The following GRID2 variants were observed in gnomAD, a reference collection of about 807,000 sequenced individuals.
GRID2 encodes the protein glutamate receptor ionotropic, delta-2.
GRID2 carries 33 observed loss-of-function variants against 114.8 expected under a neutral mutation model. The ratio of observed to expected loss-of-function variants is 0.29; its 90% CI spans 0.22 to 0.38. GRID2 has a LOEUF of 0.38. Ranked by LOEUF, GRID2 falls within the 10% of genes least tolerant of loss-of-function variation. The probability of loss-of-function intolerance (pLI) is 1.00; values close to 1 mark genes in which losing one functional copy is unlikely to be tolerated. For synonymous variants in GRID2, 505 were observed against 449.9 expected (o/e 1.12, Z -1.55); for missense variants, 1,184 against 1,257.7 (o/e 0.94, Z 0.89).
intron 1 of GRID2, among the ~76,000 whole-genome samples, chr4:92,423,426 G>A (rs148973787): frequency 2.0e-5 from 3 of 152,164 alleles, no homozygotes; most frequent in East Asian, 1.9e-4. Context: ...GAGGTGAAGC[G>A]AGGAGAGATG....
intron 2 of GRID2, among the ~76,000 whole-genome samples, chr4:92,803,525 A>T (rs1318840522): frequency 1.3e-5 from 2 of 151,896 alleles, no homozygotes; most frequent in South Asian, 2.1e-4. Flanking sequence ...ATGTCATTAT[A>T]AAAAAATGTA....
chr4:93,676,915 A>C (rs1724925413), intron 14 of GRID2, among the ~76,000 whole-genome samples: 3 of 152,066 alleles, frequency 2.0e-5, no homozygotes, highest in Non-Finnish European at 4.4e-5. Flanking sequence ...AGGGAGTGCC[A>C]GACAGTGGGA....
At chr4:92,945,410 A>T (rs76709592) in intron 2 of GRID2, among the ~76,000 whole-genome samples, 2,254 of 152,196 alleles carry the variant, frequency 0.015, 21 homozygotes, top group East Asian at 0.054. Context: ...GGAGAAACTT[A>T]GGATCAACTC....
chr4:93,245,442 A>G (rs1395173082), intron 8 of GRID2, among the ~76,000 whole-genome samples: 2 of 152,202 alleles, frequency 1.3e-5, no homozygotes, highest in South Asian at 2.1e-4. Context: ...AATAATTTTA[A>G]TGGTTAAGCA....
chr4:92,851,935 A>T (rs1743837711), intron 2 of GRID2, among the ~76,000 whole-genome samples: 1 of 151,980 alleles, frequency 6.6e-6, no homozygotes, highest in Non-Finnish European at 1.5e-5. Flanking sequence ...CACCTAAAAA[A>T]TTGCAAGAAA....
chr4:93,734,905 G>T (rs901214487), intron 14 of GRID2, among the ~76,000 whole-genome samples: 4 of 152,002 alleles, frequency 2.6e-5, no homozygotes, highest in Non-Finnish European at 5.9e-5. Flanking sequence ...ATTTCATGGG[G>T]TAACAAAAGC....
At chr4:92,661,567 A>G (rs1732520758) in intron 2 of GRID2, among the ~76,000 whole-genome samples, 1 of 151,110 alleles carries the variant, frequency 6.6e-6, no homozygotes, top group Admixed American at 6.6e-5. Flanking sequence ...ATATTCTGAA[A>G]TGGGAAAAGG....
At chr4:93,754,347 A>G (rs929690103) in intron 14 of GRID2, among the ~76,000 whole-genome samples, 3 of 152,152 alleles carry the variant, frequency 2.0e-5, no homozygotes, top group South Asian at 4.1e-4. Context: ...TGCATCAACT[A>G]TTATCTCATA....
chr4:93,689,133 C>G (rs894892416), intron 14 of GRID2, among the ~76,000 whole-genome samples: 2 of 151,862 alleles, frequency 1.3e-5, no homozygotes, highest in Non-Finnish European at 2.9e-5. Context: ...GACCATCTAC[C>G]AAGGAAGGAG....
At chr4:92,584,798 T>C (rs886970889) in intron 1 of GRID2, among the ~76,000 whole-genome samples, 10 of 152,048 alleles carry the variant, frequency 6.6e-5, no homozygotes, top group Non-Finnish European at 1.5e-4. Flanking sequence ...AAGCATAAAA[T>C]GGCAGACATA....
intron 2 of GRID2, among the ~76,000 whole-genome samples, chr4:92,965,450 TAAAAAAAAAAAAAAAAAAAAAAAA>T (rs869285420): frequency 1.4e-4 from 12 of 85,776 alleles, no homozygotes; most frequent in Admixed American, 2.1e-4. Flanking sequence ...ATTCAATTTG[TAAAAAAAAAAAAAAAAAAAAAAAA>T]AAAAAAAAAA....
chr4:93,620,435 C>A (rs4693331), intron 13 of GRID2, among the ~76,000 whole-genome samples: 73,499 of 151,992 alleles, frequency 0.48, 18,656 homozygotes, highest in East Asian at 0.68. Context: ...GGTGAGATAA[C>A]AGGTAGCGAT....
intron 1 of GRID2, among the ~76,000 whole-genome samples, chr4:92,320,835 A>G (rs1021924558): frequency 2.0e-5 from 3 of 152,124 alleles, no homozygotes; most frequent in African/African-American, 7.2e-5. Context: ...TTTTTACTAT[A>G]AGTGTACATT....
intron 1 of GRID2, among the ~76,000 whole-genome samples, chr4:92,329,694 C>T (rs1261732689): frequency 6.6e-6 from 1 of 151,790 alleles, no homozygotes; most frequent in African/African-American, 2.4e-5. Context: ...AGAAAAAACA[C>T]TCAAAAATCT....
Position 93,315,742 on chromosome 4 carries a change from C to T in GRID2, c.1245+77252C>T, listed in dbSNP as rs537377439. On this transcript the variant is annotated intron_variant, in intron 8 of 15. Transcript: ENST00000282020. ...ATGAACTATCTTTTTATCTCATTAC[C>T]CTGAAATGCACTAGTTACATACTCT... is the stretch of plus-strand genomic sequence containing the variant. Among the ~76,000 whole-genome samples, 3 of 151,940 alleles carry T rather than the reference C, an allele frequency of 2.0e-5. No homozygotes were observed. The South Asian group carries it at 6.3e-4, about 32-fold the overall frequency.
chr4:92,910,647 T>A (rs1748302791), intron 2 of GRID2, among the ~76,000 whole-genome samples: 1 of 152,070 alleles, frequency 6.6e-6, no homozygotes, highest in Non-Finnish European at 1.5e-5. Flanking sequence ...AGAGTGTGGC[T>A]GCCATTTGGT....
At chr4:92,587,335 C>A (rs910477246) in intron 1 of GRID2, among the ~76,000 whole-genome samples, 1 of 151,652 alleles carries the variant, frequency 6.6e-6, no homozygotes, top group African/African-American at 2.4e-5. Flanking sequence ...AGATCTAGTA[C>A]CTATAGTATT....
At chr4:93,765,717 T>TAAAATG (rs2110325361) in intron 14 of GRID2, among the ~76,000 whole-genome samples, 1 of 150,822 alleles carries the variant, frequency 6.6e-6, no homozygotes, top group African/African-American at 2.4e-5. Flanking sequence ...CAAAATTAAA[T>TAAAATG]AAAATGAAAT....
chr4:92,588,299 A>T (rs1728546827), intron 1 of GRID2, among the ~76,000 whole-genome samples: 1 of 152,062 alleles, frequency 6.6e-6, no homozygotes, highest in African/African-American at 2.4e-5. Context: ...AGTCTATAAT[A>T]TATATTTGAT....
Sources: gnomAD v4.1 joint callset for allele counts (sites outside exome capture counted in the v4.1 genomes callset) on GRCh38, gnomAD v4.1.1 for gene constraint, MANE v1.5 for transcripts, NCBI Gene and HGNC (gene_info 2026-07-23, HGNC 2026-07-21) for gene names.